SHMT2: variants seen among roughly 807,000 people sequenced by gnomAD.
The protein encoded by SHMT2 is serine hydroxymethyltransferase, mitochondrial.
Under a neutral mutation model 59.6 loss-of-function variants are expected in SHMT2, and 38 were observed. The ratio of observed to expected loss-of-function variants is 0.64; its 90% CI spans 0.49 to 0.84. The LOEUF (loss-of-function observed/expected upper bound fraction) is 0.84, where lower values mean the gene tolerates loss of function less well. Ranked by LOEUF, SHMT2 falls within the 40% of genes least tolerant of loss-of-function variation. The probability of loss-of-function intolerance (pLI) is 0.00; values close to 1 mark genes in which losing one functional copy is unlikely to be tolerated. For missense variants in SHMT2, 533 were observed against 659.5 expected, an observed-to-expected ratio of 0.81 and a Z score of 2.10; for synonymous variants, 254 against 258.1, an observed-to-expected ratio of 0.98 and a Z score of 0.15.
chr12:57,232,186 C>T (rs2037347141), intron 4 of SHMT2, 25 bp from the exon 5 acceptor site: 2 of 1,609,998 alleles, frequency 1.2e-6, no homozygotes. Flanking sequence ...CCACCCAGGC[C>T]TTCTTACTTC....
In SHMT2 at chr12:57,232,701, C is replaced by T. The variant is rs753556116; in HGVS notation, c.718-3C>T. The T allele has an allele frequency of 3.7e-6, 6 of 1,606,830 alleles. No individual in the cohort carries two copies. The Admixed American group carries it at 6.7e-5, about 18-fold the overall frequency. ...CTGAGGCCTTGCCTCTGTACCTGCC[C>T]AGGTGTGTGATGAAGTCAAAGCACA... is the stretch of plus-strand genomic sequence containing the variant. On this transcript the variant is annotated splice_region_variant and splice_polypyrimidine_tract_variant and intron_variant, in intron 6 of 11. Transcript: ENST00000328923.
In SHMT2 at chr12:57,231,741, G is replaced by A; in HGVS notation, c.340G>A (p.Glu114Lys). 12 of 1,614,182 alleles carry A rather than the reference G, an allele frequency of 7.4e-6. No homozygotes were observed. Among genetic ancestry groups the A allele is most frequent in the Non-Finnish European group, 1.0e-5 (12 of 1,180,038 alleles). Reference protein sequence around the residue: ...RYYGGAEVVDEIELLCQRRAL... With the variant: ...RYYGGAEVVDKIELLCQRRAL... ...CTATGGGGGAGCAGAGGTGGTGGAT[G>A]AAATTGAGCTGCTGTGCCAGCGCCG... is the stretch of plus-strand genomic sequence containing the variant. The change falls in exon 4 of 12, where the codon GAA (glutamate) becomes AAA (lysine). Residue 114 changes from glutamate to lysine, a missense_variant. Glu to Lys is a moderately conservative substitution (Grantham distance 56). Coordinates refer to ENST00000328923, the MANE Select transcript of SHMT2 (RefSeq NM_005412.6).
Position 57,231,481 on chromosome 12 carries a change from A to T in SHMT2, c.232A>T (p.Asn78Tyr). The change falls in exon 3 of 12, where the codon AAC becomes TAC. Residue 78 changes from asparagine (N) to tyrosine (Y), a missense_variant and splice_region_variant. Physicochemically the swap from Asn to Tyr is moderately radical, Grantham distance 143 (BLOSUM62 -2). Transcript: ENST00000328923. ...CRGLELIASE[N>Y]FCSRAALEAL... is the part of the protein sequence containing the mutation. The stretch of plus-strand genomic sequence containing the variant: ...CTGACATTGCCCCCCACCACCCCAG[A>T]ACTTCTGCAGCCGAGCTGCGCTGGA... 6.2e-7 allele frequency: 1 copy of T among 1,613,992 alleles called. No individual in the cohort carries two copies. The highest frequency in any genetic ancestry group is 8.5e-7 in the Non-Finnish European group (1 of 1,179,962).
In SHMT2 at chr12:57,234,535, T is replaced by C. The variant is rs972752823; in HGVS notation, c.*174T>C. On this transcript the variant is annotated 3_prime_UTR_variant, in exon 12 of 12. Coordinates refer to ENST00000328923, the MANE Select transcript of SHMT2 (RefSeq NM_005412.6). The stretch of plus-strand genomic sequence containing the variant: ...ATTTGTAACTGAGAAGATCTTTTCT[T>C]TTTCCTTTTTTTGGTAACAAGACTT... 5 of 631,848 alleles carry C rather than the reference T, an allele frequency of 7.9e-6. No individual in the cohort carries two copies. In the African/African-American group the frequency reaches 9.4e-5, roughly 12 times the overall value. The allele number at this position is 631,848 out of a possible 1,614,324, so 39.1% of individuals were successfully genotyped here.
intron 6 of SHMT2, 34 bp from the exon 7 acceptor site, chr12:57,232,670 C>T (rs1379323158): frequency 1.2e-6 from 2 of 1,607,070 alleles, no homozygotes; most frequent in Non-Finnish European, 1.7e-6. Flanking sequence ...CCGGGCCCTC[C>T]CCAGGCTGAG....
In SHMT2 at chr12:57,232,901, C is replaced by A. The variant is rs553725185; in HGVS notation, c.857+58C>A. The stretch of plus-strand genomic sequence containing the variant: ...CCTGCCTTCAGGCCTATTCCTGGGG[C>A]ACTGTTGGCCTGGACCTGAGAGGAA... On this transcript the variant is annotated intron_variant, in intron 7 of 11. Coordinates refer to ENST00000328923, the MANE Select transcript of SHMT2 (RefSeq NM_005412.6). 13 of 1,573,122 alleles carry A rather than the reference C, an allele frequency of 8.3e-6. No individual in the cohort carries two copies. In the Admixed American group the frequency reaches 1.9e-4, roughly 23 times the overall value.
chr12:57,231,718 A>AT lies in SHMT2; in HGVS notation c.318dup (p.Gly107TrpfsTer8). 6.2e-7 allele frequency: 1 copy of AT among 1,613,964 alleles called. No homozygotes were observed. The highest frequency in any genetic ancestry group is 8.5e-7 in the Non-Finnish European group (1 of 1,179,980). On this transcript the variant is annotated frameshift_variant, in exon 4 of 12. Coordinates refer to ENST00000328923, the MANE Select transcript of SHMT2 (RefSeq NM_005412.6). LOFTEE classifies it high-confidence loss of function. ...TTACCCCTCTCCCACGGCAGATACT[A>AT]TGGGGGAGCAGAGGTGGTGGATGAA...
intron 1 of SHMT2, chr12:57,230,147 C>T (rs1166998577): frequency 2.3e-6 from 3 of 1,307,482 alleles, no homozygotes; most frequent in African/African-American, 1.5e-5. Context: ...TGAGCCTTTC[C>T]GGCCAGCTCT....
At chr12:57,230,121 G>C in intron 1 of SHMT2, 1 of 1,332,608 alleles carries the variant, frequency 7.5e-7, no homozygotes, top group Non-Finnish European at 9.7e-7. Flanking sequence ...GGAGTTTTCG[G>C]CCTGGTCTCA....
chr12:57,234,335 C>T lies in SHMT2; in HGVS notation c.1489C>T (p.Pro497Ser), dbSNP rs1319043366. ...QRVEQFARAF[P>S]MPGFDEH Reference sequence around the variant, plus strand: ...GGTGGAGCAGTTTGCCAGGGCCTTCCCCATGCCTGGTTTTGATGAGCATTG... The same window carrying T: ...GGTGGAGCAGTTTGCCAGGGCCTTCTCCATGCCTGGTTTTGATGAGCATTG... The change falls in exon 12 of 12, where the codon CCC (proline) becomes TCC (serine). Residue 497 changes from proline (P) to serine (S), a missense_variant. By Grantham distance (74) the Pro-to-Ser change is moderately conservative (BLOSUM62 -1). Transcript: ENST00000328923. 6.2e-7 allele frequency: 1 copy of T among 1,608,816 alleles called. No homozygotes were observed. The highest frequency in any genetic ancestry group is 1.3e-5 in the African/African-American group (1 of 74,706).
chr12:57,229,832 G>T (rs748395193), intron 1 of SHMT2, 21 bp downstream of exon 1: 1 of 1,614,044 alleles, frequency 6.2e-7, no homozygotes, highest in Admixed American at 1.7e-5. Context: ...GGCTCCAAAC[G>T]CTGGGTAATC....
At chr12:57,230,443 AG>A in intron 1 of SHMT2, 1 of 1,179,574 alleles carries the variant, frequency 8.5e-7, no homozygotes, top group Non-Finnish European at 1.1e-6. Flanking sequence ...GGTGCCCTGC[AG>A]GAAGACCCTC....
rs772425408 is a variant in SHMT2 at position 57,233,861 on chromosome 12, T to C, written c.1236T>C (p.Cys412=). The change falls in exon 10 of 12, where the codon TGT becomes TGC. Residue 412 remains cysteine (C), a synonymous_variant. Transcript: ENST00000328923. ...LVSITANKNT[C]PGDRSAITPG... ...CCATCACTGCCAACAAGAACACCTG[T>C]CCTGGAGACCGAAGTGCCATCACAC... 58 of 1,614,056 alleles carry C rather than the reference T, an allele frequency of 3.6e-5. No individual in the cohort carries two copies. Among genetic ancestry groups the C allele is most frequent in the Non-Finnish European group, 4.7e-5 (55 of 1,180,042 alleles).
At chr12:57,233,957 G>A in intron 10 of SHMT2, 46 bp from the exon 11 acceptor site, 1 of 1,614,058 alleles carries the variant, frequency 6.2e-7, no homozygotes, top group Non-Finnish European at 8.5e-7. Flanking sequence ...ATGACTGCCA[G>A]GTGACCTTGG....
At chr12:57,233,524 C>G (rs2037416207) in intron 8 of SHMT2, 39 bp from the exon 9 acceptor site, 2 of 1,587,226 alleles carry the variant, frequency 1.3e-6, no homozygotes, top group Non-Finnish European at 1.7e-6. Flanking sequence ...GGGCTTGGGT[C>G]CAGGCCTAGG....
chr12:57,233,914 G>C lies in SHMT2; in HGVS notation c.1279+10G>C. Reference sequence around the variant, plus strand: ...GGCGGCCTGCGGCTTGGTGAGACCTGGGGTTTGAGGAGGGAAGGGGCTCCC... The same window carrying C: ...GGCGGCCTGCGGCTTGGTGAGACCTCGGGTTTGAGGAGGGAAGGGGCTCCC... On this transcript the variant is annotated intron_variant, in intron 10 of 11. Transcript: ENST00000328923. 3 of 1,614,186 alleles carry C rather than the reference G, an allele frequency of 1.9e-6. No individual in the cohort carries two copies. The highest frequency in any genetic ancestry group is 2.5e-6 in the Non-Finnish European group (3 of 1,180,016).
In SHMT2 at chr12:57,234,472, A is replaced by C; in HGVS notation, c.*111A>C. 6.7e-5 allele frequency: 82 copies of C among 1,215,164 alleles called. No individual in the cohort carries two copies. The highest frequency in any genetic ancestry group is 2.8e-4 in the Middle Eastern group (1 of 3,534). 75.3% of individuals were successfully genotyped at this position (1,215,164 alleles called of 1,614,324 possible). The stretch of plus-strand genomic sequence containing the variant: ...TTTGGTGCGGGAGGGAAGACCTCTC[A>C]CTTAGGGCAAGAGCCAGGTATAGTC... On this transcript the variant is annotated 3_prime_UTR_variant, in exon 12 of 12. Transcript: ENST00000328923.
intron 5 of SHMT2, 53 bp downstream of exon 5, chr12:57,232,345 C>G: frequency 6.2e-7 from 1 of 1,612,874 alleles, no homozygotes; most frequent in East Asian, 2.2e-5. Flanking sequence ...GTGGTCCTCC[C>G]CTGGAGAAGC....
intron 1 of SHMT2, chr12:57,230,533 A>G (rs1592680410): frequency 2.3e-6 from 3 of 1,330,226 alleles, no homozygotes; most frequent in East Asian, 6.3e-5. Flanking sequence ...TTGGAGGACA[A>G]GCTTTGCAGA....
Sources: allele counts gnomAD v4.1 joint callset, GRCh38; gene constraint gnomAD v4.1.1; transcripts MANE v1.5; gene names NCBI Gene and HGNC (gene_info 2026-07-23, HGNC 2026-07-21).